RPTOR: variants seen among roughly 807,000 people sequenced by gnomAD.
The protein encoded by RPTOR is regulatory-associated protein of mTOR.
RPTOR carries 21 observed loss-of-function variants against 169.9 expected under a neutral mutation model. The ratio of observed to expected loss-of-function variants is 0.12; its 90% CI spans 0.09 to 0.18. The LOEUF is 0.18. Ranked by LOEUF, RPTOR falls within the 10% of genes least tolerant of loss-of-function variation. RPTOR has a pLI of 1.00. For synonymous variants in RPTOR, 732 were observed against 753.2 expected, an observed-to-expected ratio of 0.97 and a Z score of 0.46; for missense variants, 1,133 against 1,855.9, an observed-to-expected ratio of 0.61 and a Z score of 7.16.
intron 14 of RPTOR, 124 bp downstream of exon 14, chr17:80,880,613 G>C (rs542683438): frequency 8.4e-6 from 7 of 833,808 alleles, no homozygotes; most frequent in African/African-American, 5.1e-5. Context: ...TCACAGCAGG[G>C]GCCACGTCCA....
chr17:80,729,644 T>C (rs1250489406), intron 4 of RPTOR, among the ~76,000 whole-genome samples: 2 of 152,210 alleles, frequency 1.3e-5, no homozygotes, highest in Non-Finnish European at 2.9e-5. Context: ...TCAAAAGTCA[T>C]CTCAATGACA....
At chr17:80,883,261 T>C (rs898026981) in intron 14 of RPTOR, among the ~76,000 whole-genome samples, 158 bp from the exon 15 acceptor site, 1 of 152,242 alleles carries the variant, frequency 6.6e-6, no homozygotes, top group African/African-American at 2.4e-5. Context: ...TGTTCTTTTT[T>C]GTAGAGTCCA....
chr17:80,913,786 T>C (rs1050277727), intron 21 of RPTOR, among the ~76,000 whole-genome samples: 1 of 152,052 alleles, frequency 6.6e-6, no homozygotes, highest in Non-Finnish European at 1.5e-5. Context: ...AATTTCAGAC[T>C]ATGTAGAAGT....
chr17:80,689,778 T>C (rs1783735612), intron 3 of RPTOR, among the ~76,000 whole-genome samples: 1 of 152,250 alleles, frequency 6.6e-6, no homozygotes, highest in African/African-American at 2.4e-5. Context: ...ATTTTTAAAA[T>C]TTTTGATCAG....
intron 3 of RPTOR, among the ~76,000 whole-genome samples, chr17:80,701,464 C>T (rs1458356666): frequency 1.3e-5 from 2 of 152,196 alleles, no homozygotes; most frequent in Non-Finnish European, 2.9e-5. Context: ...CGAGGCCTTC[C>T]AGGGAAATGC....
intron 1 of RPTOR, among the ~76,000 whole-genome samples, chr17:80,581,961 A>G (rs1273693389): frequency 6.6e-6 from 1 of 152,140 alleles, no homozygotes; most frequent in Non-Finnish European, 1.5e-5. Flanking sequence ...GGGGATGTTG[A>G]AGGAGAGAGA....
intron 3 of RPTOR, among the ~76,000 whole-genome samples, chr17:80,687,042 A>G (rs949798063): frequency 8.5e-5 from 13 of 152,262 alleles, no homozygotes; most frequent in South Asian, 2.1e-4. Flanking sequence ...ACCAAAATAC[A>G]TCACCCCACG....
rs530648455 is a variant in RPTOR, at chr17:80,942,544, G to T, written c.3025+1943G>T. Among the ~76,000 whole-genome samples, 7 of 152,264 alleles carry T rather than the reference G, an allele frequency of 4.6e-5. No homozygotes were observed. In the East Asian group the frequency reaches 1.4e-3, roughly 29 times the overall value. On this transcript the variant is annotated intron_variant, in intron 25 of 33. Transcript: ENST00000306801. Reference sequence around the variant, plus strand: ...GTGCCAGCAGGCGTGGTGCCAGCAGGCGTAGTGCCGGGAGTCACTGAGGAG... The same window carrying T: ...GTGCCAGCAGGCGTGGTGCCAGCAGTCGTAGTGCCGGGAGTCACTGAGGAG...
At position 80,562,687 on chromosome 17, in the gene RPTOR, G is replaced by A. The variant is rs1698111950; in HGVS notation, c.162+16896G>A. ...TAATCCCAGCTACTAAGGAGGCTGAGGCAGGAGAATCGCTTGAACCTGGGA... is the reference window on the plus strand; with the variant it reads ...TAATCCCAGCTACTAAGGAGGCTGAAGCAGGAGAATCGCTTGAACCTGGGA... On this transcript the variant is annotated intron_variant, in intron 1 of 33. Transcript: ENST00000306801. This position sits in a 1 kb window ranked among gnomAD's most constrained non-coding sequence, Gnocchi z 4.4. Among the ~76,000 whole-genome samples, 1 of 152,214 alleles carries A rather than the reference G, an allele frequency of 6.6e-6. No homozygotes were observed. Among genetic ancestry groups the A allele is most frequent in the South Asian group, 2.1e-4 (1 of 4,830 alleles).
chr17:80,763,592 G>A (rs1230507355), intron 6 of RPTOR, among the ~76,000 whole-genome samples: 2 of 152,198 alleles, frequency 1.3e-5, no homozygotes, highest in Non-Finnish European at 2.9e-5. Context: ...ACGTAAATAC[G>A]ACTTTTGTCA....
intron 1 of RPTOR, among the ~76,000 whole-genome samples, chr17:80,553,300 C>T (rs902754114): frequency 1.3e-5 from 2 of 152,286 alleles, no homozygotes; most frequent in South Asian, 2.1e-4. Flanking sequence ...CCTTCATGGA[C>T]GCAGCACGTC....
intron 1 of RPTOR, among the ~76,000 whole-genome samples, chr17:80,618,374 A>G (rs1456655165): frequency 1.3e-5 from 2 of 149,490 alleles, no homozygotes; most frequent in African/African-American, 5.2e-5. Flanking sequence ...TCCTTTTATG[A>G]AACTTATTTT....
At chr17:80,868,358 T>C (rs1258964468) in intron 13 of RPTOR, among the ~76,000 whole-genome samples, 1 of 152,022 alleles carries the variant, frequency 6.6e-6, no homozygotes, top group Non-Finnish European at 1.5e-5. Flanking sequence ...ACCAGAGAAA[T>C]GCAAACTGCA....
chr17:80,758,668 A>G (rs895968813), intron 6 of RPTOR, among the ~76,000 whole-genome samples: 1 of 151,928 alleles, frequency 6.6e-6, no homozygotes, highest in African/African-American at 2.4e-5. Flanking sequence ...AACAGGCCTC[A>G]TTTCTCCCAT....
At chr17:80,710,227 C>A (rs2066176426) in intron 4 of RPTOR, among the ~76,000 whole-genome samples, 4 of 151,936 alleles carry the variant, frequency 2.6e-5, no homozygotes, top group Admixed American at 2.6e-4. Context: ...ACTCCTGAGT[C>A]CAAATAATCC....
chr17:80,895,854 GC>G (rs2143887047), intron 20 of RPTOR, among the ~76,000 whole-genome samples: 1 of 152,356 alleles, frequency 6.6e-6, no homozygotes, highest in Admixed American at 6.5e-5. Context: ...TGAGGTTACA[GC>G]CTTGCAGCCT....
At chr17:80,653,554 T>C (rs1001334360) in intron 3 of RPTOR, among the ~76,000 whole-genome samples, 25 of 152,104 alleles carry the variant, frequency 1.6e-4, no homozygotes, top group African/African-American at 6.0e-4. Flanking sequence ...CCTGTCGGGG[T>C]GAGTGCAGGC....
intron 6 of RPTOR, among the ~76,000 whole-genome samples, chr17:80,762,850 A>T (rs1439000151): frequency 6.6e-6 from 1 of 151,016 alleles, no homozygotes; most frequent in African/African-American, 2.4e-5. Context: ...TCTTCTCTCT[A>T]AAAAAAAACG....
At chr17:80,769,254 C>T (rs139331297) in intron 6 of RPTOR, among the ~76,000 whole-genome samples, 188 of 152,210 alleles carry the variant, frequency 1.2e-3, no homozygotes, top group African/African-American at 4.3e-3. Context: ...ATCCAGGAGA[C>T]GTTAGCCTCT....
Sources: allele counts gnomAD v4.1 joint callset (sites outside exome capture counted in the v4.1 genomes callset), GRCh38; gene constraint gnomAD v4.1.1; non-coding constraint Gnocchi (gnomAD v3.1); transcripts MANE v1.5; gene names NCBI Gene and HGNC (gene_info 2026-07-23, HGNC 2026-07-21).